Variants in SAPCD2 observed in about 807,000 individuals in gnomAD.
SAPCD2 encodes suppressor APC domain-containing protein 2.
A neutral mutation model predicts 37.8 loss-of-function variants in SAPCD2; 34 were observed. The ratio of observed to expected loss-of-function variants is 0.90; its 90% CI spans 0.68 to 1.20. SAPCD2 has a LOEUF of 1.20. Among genes scored for constraint, SAPCD2 ranks in the 50% most tolerant of loss-of-function variants. The pLI, the probability that SAPCD2 is intolerant of heterozygous loss-of-function variation, is 0.00. For synonymous variants in SAPCD2, 275 were observed against 270.3 expected, an observed-to-expected ratio of 1.02 and a Z score of -0.17; for missense variants, 572 against 584.7, an observed-to-expected ratio of 0.98 and a Z score of 0.22.
rs1389921203 is a variant in SAPCD2, at chr9:137,064,155, C to G, written c.*504G>C. 4.4e-5 allele frequency: 8 copies of G among 182,172 alleles called. No homozygotes were observed. Among genetic ancestry groups the G allele is most frequent in the Non-Finnish European group, 7.0e-5 (6 of 85,218 alleles). 11.3% of individuals were successfully genotyped at this position (182,172 alleles called of 1,614,324 possible). A position where few individuals can be genotyped will look rare whatever the true frequency, so the allele number is the denominator to read the frequency against. On this transcript the variant is annotated 3_prime_UTR_variant, in exon 6 of 6. Transcript: ENST00000409687. ...CCCCGCTTACAGGCCGTCCCCACCC[C>G]CTCCATCTACTTCCGTCCGTCCGAG...
chr9:137,070,434 C>A lies in SAPCD2; in HGVS notation c.27G>T (p.Arg9=), dbSNP rs1393360604. Residue 9 remains arginine (R), a synonymous_variant, in exon 1 of 6, where the codon CGG becomes CGT. Coordinates refer to ENST00000409687, the MANE Select transcript of SAPCD2 (RefSeq NM_178448.4). ...CGGGTGCGGGGGGAGGCACGCGGCCCCGCTCGGCCATGGCGGCCCCGGCCA... is the reference window on the plus strand; with the variant it reads ...CGGGTGCGGGGGGAGGCACGCGGCCACGCTCGGCCATGGCGGCCCCGGCCA... MAGAAMAE[R]GRVPPPAPAP... is the part of the protein sequence containing the mutation. 2 of 1,265,350 alleles carry A rather than the reference C, an allele frequency of 1.6e-6. No homozygotes were observed. The highest frequency in any genetic ancestry group is 3.1e-5 in the African/African-American group (2 of 64,278). The allele number at this position is 1,265,350 out of a possible 1,614,324, so 78.4% of individuals were successfully genotyped here.
chr9:137,070,073 C>T lies in SAPCD2; in HGVS notation c.388G>A (p.Glu130Lys). The T allele has an allele frequency of 1.7e-6, 2 of 1,194,332 alleles. No homozygotes were observed. The highest frequency in any genetic ancestry group is 1.0e-6 in the Non-Finnish European group (1 of 964,004). The allele number at this position is 1,194,332 out of a possible 1,614,324, so 74.0% of individuals were successfully genotyped here. The change falls in exon 1 of 6, where the codon GAG (glutamate) becomes AAG (lysine). Residue 130 changes from glutamate (E) to lysine (K), a missense_variant. By Grantham distance (56) the Glu-to-Lys change is moderately conservative (BLOSUM62 1). Coordinates refer to ENST00000409687, the MANE Select transcript of SAPCD2 (RefSeq NM_178448.4). ...TTCCTCTCCAGGACCGTCCGCGGCT[C>T]GTCGGCCGGAGCGAACACCAGGCGC... ...PQRLVFAPAD[E>K]PRTVLERKPL...
chr9:137,070,315 A>T lies in SAPCD2; in HGVS notation c.146T>A (p.Leu49Gln). 1 of 1,478,146 alleles carries T rather than the reference A, an allele frequency of 6.8e-7. No homozygotes were observed. 91.6% of individuals were successfully genotyped at this position (1,478,146 alleles called of 1,614,324 possible). Residue 49 changes from leucine (L) to glutamine (Q), a missense_variant, in exon 1 of 6, where the codon CTG (leucine) becomes CAG (glutamine). Transcript: ENST00000409687. Reference protein sequence around the residue: ...LDDRRRGCVHLREIESRWQGT... With the variant: ...LDDRRRGCVHQREIESRWQGT... Reference sequence around the variant, plus strand: ...CTGCCAGCGGGACTCGATCTCGCGCAGGTGCACGCAGCCGCGCCGCCGGTC... The same window carrying T: ...CTGCCAGCGGGACTCGATCTCGCGCTGGTGCACGCAGCCGCGCCGCCGGTC...
intron 1 of SAPCD2, 113 bp downstream of exon 1, chr9:137,069,777 G>T (rs1832597411): frequency 3.9e-6 from 3 of 768,178 alleles, no homozygotes; most frequent in Non-Finnish European, 5.2e-6. Flanking sequence ...ACGAAGAGCC[G>T]CTCCCCGGTC....
At chr9:137,067,256 T>A (rs1366254480) in intron 1 of SAPCD2, among the ~76,000 whole-genome samples, 1 of 151,254 alleles carries the variant, frequency 6.6e-6, no homozygotes, top group East Asian at 2.1e-4. Context: ...CCCAAAGTGC[T>A]GGAATTACAG....
In SAPCD2 at chr9:137,065,086, C is replaced by A; in HGVS notation, c.931G>T (p.Ala311Ser). ...GTTTGGGGTACACTCACCCGGCTGG[C>A]ACAGGCTGCAGCCAGCAGCTCCCCC... ...CLGELLAAAC[A>S]SRALPPSSSG... The change falls in exon 4 of 6, where the codon GCC (alanine) becomes TCC (serine). Residue 311 changes from alanine to serine, a missense_variant. Ala to Ser is a moderately conservative substitution (Grantham distance 99). Transcript: ENST00000409687. The A allele has an allele frequency of 2.0e-6, 3 of 1,528,988 alleles. No individual in the cohort carries two copies. Among genetic ancestry groups the A allele is most frequent in the South Asian group, 1.2e-5 (1 of 80,088 alleles). The allele number at this position is 1,528,988 out of a possible 1,614,324, so 94.7% of individuals were successfully genotyped here. A position where few individuals can be genotyped will look rare whatever the true frequency, so the allele number is the denominator to read the frequency against.
chr9:137,062,502 T>C lies in SAPCD2; in HGVS notation c.*2157A>G, dbSNP rs10870175. ...TGTTCCTCTGGGGCAGATTCTCAACTGGGGACACTTCTGCCCCCAAGGACA... is the reference window on the plus strand; with the variant it reads ...TGTTCCTCTGGGGCAGATTCTCAACCGGGGACACTTCTGCCCCCAAGGACA... On this transcript the variant is annotated 3_prime_UTR_variant, in exon 6 of 6. Coordinates refer to ENST00000409687, the MANE Select transcript of SAPCD2 (RefSeq NM_178448.4). The C allele has an allele frequency of 0.2, 30,936 of 152,094 alleles. 3,603 individuals are homozygous for C. Among genetic ancestry groups the C allele is most frequent in the East Asian group, 0.35 (1,825 of 5,164 alleles). 9.4% of individuals were successfully genotyped at this position (152,094 alleles called of 1,614,324 possible).
chr9:137,069,855 G>T, intron 1 of SAPCD2, 35 bp downstream of exon 1: 1 of 1,228,842 alleles, frequency 8.1e-7, no homozygotes. Flanking sequence ...GCCCGGGAGA[G>T]CTACGAGGGT....
At chr9:137,066,138 G>T in intron 2 of SAPCD2, 124 bp downstream of exon 2, 5 of 770,860 alleles carry the variant, frequency 6.5e-6, no homozygotes, top group Non-Finnish European at 1.1e-5. Context: ...TAGGGAGAGA[G>T]ATGTCCAGAG....
At position 137,065,061 on chromosome 9, in the gene SAPCD2, G is replaced by A. The variant is rs1156872166; in HGVS notation, c.939+17C>T. The A allele has an allele frequency of 2.0e-6, 3 of 1,514,858 alleles. No individual in the cohort carries two copies. The highest frequency in any genetic ancestry group is 2.4e-5 in the East Asian group (1 of 40,888). The allele number at this position is 1,514,858 out of a possible 1,614,324, so 93.8% of individuals were successfully genotyped here. A position where few individuals can be genotyped will look rare whatever the true frequency, so the allele number is the denominator to read the frequency against. On this transcript the variant is annotated intron_variant, in intron 4 of 5. Transcript: ENST00000409687. ...CCTGGGCCCCAGCGTGGGTGTGGGG[G>A]TTTGGGGTACACTCACCCGGCTGGC...
chr9:137,065,148 C>A lies in SAPCD2; in HGVS notation c.869G>T (p.Arg290Leu). The A allele has an allele frequency of 6.6e-7, 1 of 1,517,878 alleles. No individual in the cohort carries two copies. The highest frequency in any genetic ancestry group is 1.3e-5 in the South Asian group (1 of 79,168). 94.0% of individuals were successfully genotyped at this position (1,517,878 alleles called of 1,614,324 possible). ...CACCTCTTGTACCTTGGGCAGTAGC[C>A]GCCCCAGTGGGCGGGGGCTCCCTGC... ...GAAGSPRPLG[R>L]LLPKVQEVAR... The change falls in exon 4 of 6, where the codon CGG becomes CTG. Residue 290 changes from arginine (R) to leucine (L), a missense_variant. Arg to Leu is a moderately radical substitution (Grantham distance 102). Transcript: ENST00000409687.
In SAPCD2 at chr9:137,065,161, G is replaced by T. The variant is rs560964610; in HGVS notation, c.856C>A (p.Arg286Ser). ...SADFGAAGSP[R>S]PLGRLLPKVQ... ...TTGGGCAGTAGCCGCCCCAGTGGGCGGGGGCTCCCTGCAGCCCCAAAGTCC... is the reference window on the plus strand; with the variant it reads ...TTGGGCAGTAGCCGCCCCAGTGGGCTGGGGCTCCCTGCAGCCCCAAAGTCC... Residue 286 changes from arginine to serine, a missense_variant, in exon 4 of 6, where the codon CGC (arginine) becomes AGC (serine). Physicochemically the swap from Arg to Ser is moderately radical, Grantham distance 110. Coordinates refer to ENST00000409687, the MANE Select transcript of SAPCD2 (RefSeq NM_178448.4). 1.3e-6 allele frequency: 2 copies of T among 1,497,652 alleles called. No individual in the cohort carries two copies. Among genetic ancestry groups the T allele is most frequent in the Non-Finnish European group, 1.8e-6 (2 of 1,124,712 alleles). 92.8% of individuals were successfully genotyped at this position (1,497,652 alleles called of 1,614,324 possible).
rs1365474484 is a variant in SAPCD2 at position 137,064,708 on chromosome 9, C to T, written c.1136G>A (p.Arg379His). ...SALIKQLFEA[R>H]ALSQQDGGPL... Reference sequence around the variant, plus strand: ...TCCCCCGTCCTGCTGGCTCAGGGCGCGGGCCTCAAACAGCTGCTTAATGAG... The same window carrying T: ...TCCCCCGTCCTGCTGGCTCAGGGCGTGGGCCTCAAACAGCTGCTTAATGAG... Residue 379 changes from arginine (R) to histidine (H), a missense_variant, in exon 6 of 6, where the codon CGC becomes CAC. Arg to His is a conservative substitution (Grantham distance 29). Coordinates refer to ENST00000409687, the MANE Select transcript of SAPCD2 (RefSeq NM_178448.4). The T allele has an allele frequency of 3.1e-6, 5 of 1,595,052 alleles. No individual in the cohort carries two copies. The highest frequency in any genetic ancestry group is 2.3e-5 in the South Asian group (2 of 88,388).
At chr9:137,067,739 C>A (rs962096380) in intron 1 of SAPCD2, among the ~76,000 whole-genome samples, 19 of 133,630 alleles carry the variant, frequency 1.4e-4, no homozygotes, top group Admixed American at 2.6e-4. Context: ...CGCGCCACTG[C>A]ACTCCAGCCT....
chr9:137,067,190 T>C (rs1410451685), intron 1 of SAPCD2, among the ~76,000 whole-genome samples: 3 of 151,758 alleles, frequency 2.0e-5, no homozygotes, highest in Non-Finnish European at 2.9e-5. Context: ...GGTTTCACCA[T>C]GTTGACCAGG....
Position 137,070,129 on chromosome 9 carries a change from C to T in SAPCD2, c.332G>A (p.Arg111Gln), listed in dbSNP as rs1478808370. The T allele has an allele frequency of 5.9e-6, 7 of 1,194,646 alleles. No homozygotes were observed. The African/African-American group carries it at 9.6e-5, about 16-fold the overall frequency. 74.0% of individuals were successfully genotyped at this position (1,194,646 alleles called of 1,614,324 possible). ...CGGCGGCGGCGGCTGATCCCCGGGC[C>T]GGGCCGGGGCGCGCGTGGGGTCCCG... Reference protein sequence around the residue: ...GPRDPTRAPARPGDQPPPPPQ... With the variant: ...GPRDPTRAPAQPGDQPPPPPQ... The change falls in exon 1 of 6, where the codon CGG (arginine) becomes CAG (glutamine). Residue 111 changes from arginine to glutamine, a missense_variant. Arg to Gln is a conservative substitution (Grantham distance 43). Transcript: ENST00000409687.
At chr9:137,066,522 G>C (rs1832549152) in intron 1 of SAPCD2, 148 bp from the exon 2 acceptor site, 1 of 616,726 alleles carries the variant, frequency 1.6e-6, no homozygotes, top group African/African-American at 1.9e-5. Context: ...TGCCAGGCTG[G>C]AGTTTGGTCC....
intron 1 of SAPCD2, 78 bp from the exon 2 acceptor site, chr9:137,066,452 A>C: frequency 1.6e-5 from 17 of 1,074,500 alleles, no homozygotes; most frequent in Non-Finnish European, 2.1e-5. Context: ...CGGCCTCCAC[A>C]TCTCAGCCCA....
chr9:137,064,800 A>C lies in SAPCD2; in HGVS notation c.1057-13T>G. The C allele has an allele frequency of 6.3e-7, 1 of 1,591,792 alleles. No homozygotes were observed. Among genetic ancestry groups the C allele is most frequent in the Non-Finnish European group, 8.5e-7 (1 of 1,169,712 alleles). ...TCTCGGTCACCTCCTGGGCAGGTGC[A>C]CAGTTGGTCAAGGCCTGCGGGGCCT... On this transcript the variant is annotated splice_polypyrimidine_tract_variant and intron_variant, in intron 5 of 5. Transcript: ENST00000409687.
Sources: gnomAD v4.1 joint callset for allele counts (sites outside exome capture counted in the v4.1 genomes callset) on GRCh38, gnomAD v4.1.1 for gene constraint, MANE v1.5 for transcripts, NCBI Gene and HGNC (gene_info 2026-07-23, HGNC 2026-07-21) for gene names.